The following CDH26 variants were observed in gnomAD, a reference collection of about 807,000 sequenced individuals.
The protein encoded by CDH26 is cadherin 26.
In CDH26, 83 loss-of-function variants were observed where a neutral mutation model predicts 90.3. The ratio of observed to expected loss-of-function variants is 0.92; its 90% CI spans 0.77 to 1.10. The LOEUF (loss-of-function observed/expected upper bound fraction) is 1.10, where lower values mean the gene tolerates loss of function less well. Among genes scored for constraint, CDH26 ranks in the 50% least tolerant of loss-of-function variants. CDH26 has a pLI of 0.00. For synonymous variants in CDH26, 397 were observed against 396.3 expected (o/e 1.00, Z -0.02); for missense variants, 1,013 against 1,037.6 (o/e 0.98, Z 0.33).
At chr20:59,969,416 T>G (rs1027176308) in intron 2 of CDH26, among the ~76,000 whole-genome samples, 1 of 152,242 alleles carries the variant, frequency 6.6e-6, no homozygotes, top group Non-Finnish European at 1.5e-5. Context: ...ATTGTTCTCT[T>G]GGTCAATTCA....
At chr20:60,007,690 G>T (rs1431524561) in intron 17 of CDH26, among the ~76,000 whole-genome samples, 1 of 151,920 alleles carries the variant, frequency 6.6e-6, no homozygotes, top group African/African-American at 2.4e-5. Context: ...AGCAATGAGG[G>T]CATCCAGGGT....
chr20:59,988,462 G>T (rs748037869), intron 8 of CDH26, among the ~76,000 whole-genome samples: 1 of 152,216 alleles, frequency 6.6e-6, no homozygotes, highest in African/African-American at 2.4e-5. Flanking sequence ...CTCTGTAGAC[G>T]CTGCACCAGA....
At chr20:60,033,032 G>A (rs2062054730) in intron 8 of CDH26, among the ~76,000 whole-genome samples, 1 of 152,144 alleles carries the variant, frequency 6.6e-6, no homozygotes. Flanking sequence ...TCCAATCCTG[G>A]TGTCTCATAG....
At chr20:59,961,898 A>C (rs1032659619) in intron 1 of CDH26, among the ~76,000 whole-genome samples, 4 of 152,352 alleles carry the variant, frequency 2.6e-5, no homozygotes, top group African/African-American at 9.6e-5. Flanking sequence ...TAAGAGAATG[A>C]AACTGTACAA....
downstream of CDH26, among the ~76,000 whole-genome samples, chr20:60,018,134 A>C (rs2061920953): frequency 6.6e-6 from 1 of 152,040 alleles, no homozygotes; most frequent in African/African-American, 2.4e-5. Flanking sequence ...TGGTAGGTTC[A>C]GTTTAAATCT....
chr20:59,976,539 A>C (rs1300665764), intron 4 of CDH26, among the ~76,000 whole-genome samples: 1 of 152,256 alleles, frequency 6.6e-6, no homozygotes, highest in Non-Finnish European at 1.5e-5. Flanking sequence ...TTTTACAGCC[A>C]GAAGTCAGGG....
chr20:59,960,332 A>T (rs556748831), intron 1 of CDH26, among the ~76,000 whole-genome samples: 1 of 152,246 alleles, frequency 6.6e-6, no homozygotes, highest in Non-Finnish European at 1.5e-5. Flanking sequence ...GAATGAGGAA[A>T]TGCGTAAAAG....
chr20:59,988,424 C>T (rs1004558253), intron 8 of CDH26, among the ~76,000 whole-genome samples: 1 of 152,344 alleles, frequency 6.6e-6, no homozygotes, highest in Non-Finnish European at 1.5e-5. Context: ...ATGCTGATGG[C>T]CTGCGGACCG....
At chr20:59,971,618 G>T (rs1240304389) in intron 3 of CDH26, among the ~76,000 whole-genome samples, 1 of 152,194 alleles carries the variant, frequency 6.6e-6, no homozygotes, top group African/African-American at 2.4e-5. Context: ...TGCCTTTCTT[G>T]TTTAGTGATG....
At chr20:59,967,676 C>T (rs373018502) in intron 1 of CDH26, among the ~76,000 whole-genome samples, 2 of 151,824 alleles carry the variant, frequency 1.3e-5, no homozygotes, top group Non-Finnish European at 2.9e-5. Flanking sequence ...CCCACCCTTT[C>T]GTTTGCTGCT....
chr20:60,007,122 T>C (rs2061764916), intron 17 of CDH26, among the ~76,000 whole-genome samples: 1 of 152,176 alleles, frequency 6.6e-6, no homozygotes, highest in Non-Finnish European at 1.5e-5. Flanking sequence ...ATTAGGGAAC[T>C]AATTCCATCA....
intron 7 of CDH26, among the ~76,000 whole-genome samples, chr20:60,024,599 A>C (rs1246227703): frequency 6.6e-6 from 1 of 152,204 alleles, no homozygotes; most frequent in Non-Finnish European, 1.5e-5. Context: ...TGCCAGATCT[A>C]GAGTCAGATG....
At chr20:59,993,500 G>T (rs893105624) in intron 10 of CDH26, among the ~76,000 whole-genome samples, 3 of 152,152 alleles carry the variant, frequency 2.0e-5, no homozygotes, top group African/African-American at 7.2e-5. Flanking sequence ...ACTTATAAGT[G>T]AGAACATACA....
intron 4 of CDH26, among the ~76,000 whole-genome samples, chr20:59,977,771 T>C (rs953504032): frequency 9.2e-5 from 14 of 151,932 alleles, no homozygotes; most frequent in African/African-American, 2.4e-5. Flanking sequence ...GAGCCAGTAT[T>C]TTACATGACT....
rs1045036126 is a variant in CDH26 at position 59,996,703 on chromosome 20, A to G, written c.1961A>G (p.Asp654Gly). 9.9e-6 allele frequency: 16 copies of G among 1,614,118 alleles called. No individual in the cohort carries two copies. Among genetic ancestry groups the G allele is most frequent in the African/African-American group, 2.7e-5 (2 of 74,944 alleles). The change falls in exon 13 of 18, where the codon GAT (aspartate) becomes GGT (glycine). Residue 654 changes from aspartate to glycine, a missense_variant. Physicochemically the swap from Asp to Gly is moderately conservative, Grantham distance 94. Coordinates refer to ENST00000348616, the MANE Select transcript of CDH26 (RefSeq NM_177980.4). ...PKRHGCSVSN[D>G]EGHQTLVMYN... ...AGGCATGGATGCTCTGTATCCAATG[A>G]TGAAGGCCACCAAACACTGGTCATG...
Position 59,996,676 on chromosome 20 carries a change from A to C in CDH26, c.1934A>C (p.Lys645Thr). Residue 645 changes from lysine to threonine, a missense_variant, in exon 13 of 18, where the codon AAG becomes ACG. Coordinates refer to ENST00000348616, the MANE Select transcript of CDH26 (RefSeq NM_177980.4). The part of the protein sequence containing the change: ...LLRCYFVLEP[K>T]RHGCSVSNDE... ...CGATGCTATTTTGTGCTTGAACCTA[A>C]GAGGCATGGATGCTCTGTATCCAAT... The C allele has an allele frequency of 6.2e-7, 1 of 1,614,220 alleles. No homozygotes were observed. The highest frequency in any genetic ancestry group is 1.1e-5 in the South Asian group (1 of 91,090).
At chr20:59,967,576 G>T (rs973966647) in intron 1 of CDH26, among the ~76,000 whole-genome samples, 1 of 151,958 alleles carries the variant, frequency 6.6e-6, no homozygotes, top group Non-Finnish European at 1.5e-5. Flanking sequence ...AAAATACCCC[G>T]TGTGAAAATT....
At chr20:60,021,897 C>CACACACACACACACATATAT (rs1295572684) in intron 7 of CDH26, among the ~76,000 whole-genome samples, 9 of 78,936 alleles carry the variant, frequency 1.1e-4, no homozygotes, top group South Asian at 4.4e-4. Flanking sequence ...CACACACACA[C>CACACACACACACACATATAT]ATATATATAT....
intron 4 of CDH26, among the ~76,000 whole-genome samples, chr20:59,977,427 A>G (rs1056902828): frequency 1.3e-5 from 2 of 152,140 alleles, no homozygotes; most frequent in Non-Finnish European, 2.9e-5. Flanking sequence ...CACCCTTTAT[A>G]CTAGAGCAAT....
Sources: gnomAD v4.1 joint callset for allele counts (sites outside exome capture counted in the v4.1 genomes callset) on GRCh38, gnomAD v4.1.1 for gene constraint, MANE v1.5 for transcripts, NCBI Gene and HGNC (gene_info 2026-07-23, HGNC 2026-07-21) for gene names.